Variants in CTNNA3 observed in about 807,000 individuals in gnomAD.
The protein encoded by CTNNA3 is catenin alpha 3.
In CTNNA3, 76 loss-of-function variants were observed where a neutral mutation model predicts 95.7. The observed-to-expected ratio is 0.79, with a 90% confidence interval of 0.66 to 0.96. The LOEUF (loss-of-function observed/expected upper bound fraction) is 0.96. Among genes scored for constraint, CTNNA3 ranks in the 40% least tolerant of loss-of-function variants. The probability of loss-of-function intolerance (pLI) is 0.00; values close to 1 mark genes in which losing one functional copy is unlikely to be tolerated. For synonymous variants in CTNNA3, 431 were observed against 374.4 expected (o/e 1.15, Z -1.74); for missense variants, 1,191 against 1,089.8 (o/e 1.09, Z -1.31).
chr10:67,022,682 A>G (rs1853101495), intron 7 of CTNNA3, among the ~76,000 whole-genome samples: 1 of 152,170 alleles, frequency 6.6e-6, no homozygotes, highest in Admixed American at 6.5e-5. Flanking sequence ...TCATGCCTTT[A>G]ATCCCAGCAT....
chr10:66,040,644 A>G (rs1488433875), intron 15 of CTNNA3, among the ~76,000 whole-genome samples: 1 of 152,172 alleles, frequency 6.6e-6, no homozygotes, highest in African/African-American at 2.4e-5. Flanking sequence ...CAAATCCAGC[A>G]TGTTCTCACT....
At chr10:66,577,342 T>G (rs752697709) in intron 10 of CTNNA3, among the ~76,000 whole-genome samples, 133 of 152,248 alleles carry the variant, frequency 8.7e-4, no homozygotes, top group African/African-American at 2.4e-3. Context: ...TAGGTCCTTC[T>G]TGTCAATTTT....
At chr10:66,279,308 C>G (rs1408073918) in intron 13 of CTNNA3, among the ~76,000 whole-genome samples, 1 of 152,046 alleles carries the variant, frequency 6.6e-6, no homozygotes, top group Non-Finnish European at 1.5e-5. Flanking sequence ...CTCAGCACTT[C>G]TATATCCATC....
At position 66,333,870 on chromosome 10, in the gene CTNNA3, CTT is replaced by C. The variant is rs1162620274; in HGVS notation, c.1732+45280_1732+45281del. Among the ~76,000 whole-genome samples the C allele has an allele frequency of 5.3e-5, 8 of 151,628 alleles. No homozygotes were observed. The East Asian group carries it at 5.8e-4, about 11-fold the overall frequency. On this transcript the variant is annotated intron_variant, in intron 12 of 17. Coordinates refer to ENST00000433211, the MANE Select transcript of CTNNA3 (RefSeq NM_013266.4). ...TATTATTGTGTGGGAGTCTAAGTCTCTTTGTAGGTCTCTAGGGACTTGCTTTA... is the reference window on the plus strand; with the variant it reads ...TATTATTGTGTGGGAGTCTAAGTCTCTGTAGGTCTCTAGGGACTTGCTTTA...
At chr10:66,967,799 CA>C (rs938687323) in intron 7 of CTNNA3, among the ~76,000 whole-genome samples, 1 of 151,840 alleles carries the variant, frequency 6.6e-6, no homozygotes, top group African/African-American at 2.4e-5. Context: ...TATATTTCAC[CA>C]AATCCTGTTA....
intron 7 of CTNNA3, among the ~76,000 whole-genome samples, chr10:67,085,094 C>T (rs1200152160): frequency 6.6e-6 from 1 of 151,860 alleles, no homozygotes; most frequent in Non-Finnish European, 1.5e-5. Flanking sequence ...TAATTGCATT[C>T]AATATCTACT....
intron 7 of CTNNA3, among the ~76,000 whole-genome samples, chr10:66,973,510 A>G (rs1242538788): frequency 6.6e-6 from 1 of 152,234 alleles, no homozygotes; most frequent in African/African-American, 2.4e-5. Context: ...GAAGACTTTT[A>G]AGTATGCCCT....
chr10:66,071,653 C>A (rs576425688), intron 14 of CTNNA3, among the ~76,000 whole-genome samples: 1 of 152,190 alleles, frequency 6.6e-6, no homozygotes, highest in South Asian at 2.1e-4. Context: ...CCTTTGAAAG[C>A]AATTGTTCTC....
chr10:67,081,957 A>T (rs921196057), intron 7 of CTNNA3, among the ~76,000 whole-genome samples: 9 of 152,126 alleles, frequency 5.9e-5, no homozygotes, highest in Middle Eastern at 3.2e-3. Flanking sequence ...TGAAAACAGT[A>T]TTCATGTTTT....
intron 5 of CTNNA3, among the ~76,000 whole-genome samples, chr10:67,354,136 G>A (rs1842730068): frequency 6.6e-6 from 1 of 151,968 alleles, no homozygotes; most frequent in Admixed American, 6.6e-5. Flanking sequence ...CTGAGCATTG[G>A]ATACCTGCTT....
rs1271285730 is a variant in CTNNA3 at position 67,577,473 on chromosome 10, G to C, written c.292+29384C>G. ...TGTGAAAATTTTCTCCCATTTTGTA[G>C]GTTGCCTGTTCACTCTGATGGTAGT... On this transcript the variant is annotated intron_variant, in intron 3 of 17. Transcript: ENST00000433211. Among the ~76,000 whole-genome samples the C allele has an allele frequency of 2.0e-5, 3 of 151,944 alleles. No homozygotes were observed. The South Asian group carries it at 6.2e-4, about 32-fold the overall frequency.
intron 5 of CTNNA3, among the ~76,000 whole-genome samples, chr10:67,408,341 C>T (rs764625617): frequency 3.3e-5 from 5 of 152,130 alleles, no homozygotes; most frequent in Non-Finnish European, 5.9e-5. Flanking sequence ...AACTCTACTA[C>T]AGGGCTACAG....
chr10:67,150,302 G>A (rs1013956331), intron 7 of CTNNA3, among the ~76,000 whole-genome samples: 2 of 152,060 alleles, frequency 1.3e-5, no homozygotes, highest in African/African-American at 4.8e-5. Context: ...TAATTTGTCT[G>A]AAATGAATTA....
chr10:66,478,405 G>A (rs985814597), intron 11 of CTNNA3, among the ~76,000 whole-genome samples: 1 of 151,854 alleles, frequency 6.6e-6, no homozygotes, highest in Non-Finnish European at 1.5e-5. Context: ...AGCATGTTCA[G>A]CTTTATTAAG....
At chr10:67,675,112 T>A (rs190182553) in intron 1 of CTNNA3, among the ~76,000 whole-genome samples, 1 of 152,234 alleles carries the variant, frequency 6.6e-6, no homozygotes, top group Admixed American at 6.5e-5. Context: ...GTCATTCTAG[T>A]TTTCTTTTCT....
intron 5 of CTNNA3, among the ~76,000 whole-genome samples, chr10:67,342,268 AT>A (rs1447212264): frequency 4.6e-5 from 7 of 151,304 alleles, no homozygotes; most frequent in Admixed American, 3.9e-4. Context: ...TGCCCGGCTA[AT>A]TTTTTGTATT....
intron 15 of CTNNA3, among the ~76,000 whole-genome samples, chr10:66,059,008 C>A (rs1268730239): frequency 6.6e-6 from 1 of 152,144 alleles, no homozygotes; most frequent in African/African-American, 2.4e-5. Flanking sequence ...ACCTGAATAA[C>A]CTTGTGATTG....
At chr10:66,691,080 C>A (rs1372880559) in intron 9 of CTNNA3, among the ~76,000 whole-genome samples, 2 of 152,186 alleles carry the variant, frequency 1.3e-5, no homozygotes, top group East Asian at 3.9e-4. Flanking sequence ...CCAGGTTCAT[C>A]TCACTAGGGA....
chr10:66,773,506 G>A (rs1451338087), intron 8 of CTNNA3, among the ~76,000 whole-genome samples: 2 of 152,178 alleles, frequency 1.3e-5, no homozygotes, highest in Admixed American at 1.3e-4. Flanking sequence ...GGAACAGGAA[G>A]AAGCACTGAG....
Sources: gnomAD v4.1 joint callset for allele counts (sites outside exome capture counted in the v4.1 genomes callset) on GRCh38, gnomAD v4.1.1 for gene constraint, MANE v1.5 for transcripts, NCBI Gene and HGNC (gene_info 2026-07-23, HGNC 2026-07-21) for gene names.